Variants in CDC73 observed in about 807,000 individuals in gnomAD.
CDC73 encodes parafibromin.
A neutral mutation model predicts 83.7 loss-of-function variants in CDC73; 21 were observed. The observed-to-expected ratio is 0.25, with a 90% CI of 0.18 to 0.36. CDC73 has a LOEUF of 0.36. Among genes scored for constraint, CDC73 ranks in the 10% least tolerant of loss-of-function variants. CDC73 has a pLI of 1.00. For missense variants in CDC73, 342 were observed against 653.3 expected, an observed-to-expected ratio of 0.52 and a Z score of 5.19; for synonymous variants, 224 against 212.9, an observed-to-expected ratio of 1.05 and a Z score of -0.45.
At position 193,250,938 on chromosome 1, in the gene CDC73, A is replaced by T; in HGVS notation, c.*226A>T. 1 of 522,504 alleles carries T rather than the reference A, an allele frequency of 1.9e-6. No homozygotes were observed. The highest frequency in any genetic ancestry group is 3.4e-6 in the Non-Finnish European group (1 of 292,354). 32.4% of individuals were successfully genotyped at this position (522,504 alleles called of 1,614,324 possible). ...TAATGGAAATTGTATATTTTGATAG[A>T]AGTTTTTTCTCCATTGGTTAAATTA... On this transcript the variant is annotated 3_prime_UTR_variant, in exon 17 of 17. Coordinates refer to ENST00000367435, the MANE Select transcript of CDC73 (RefSeq NM_024529.5).
chr1:193,248,914 A>G (rs1210457760), intron 15 of CDC73, among the ~76,000 whole-genome samples: 3 of 152,094 alleles, frequency 2.0e-5, no homozygotes, highest in Non-Finnish European at 4.4e-5. Context: ...TGAAGATGCC[A>G]TAAACGTTGT....
At chr1:193,244,999 A>AT (rs1201912247) in intron 15 of CDC73, among the ~76,000 whole-genome samples, 1 of 152,138 alleles carries the variant, frequency 6.6e-6, no homozygotes, top group Non-Finnish European at 1.5e-5. Context: ...TTTGATTATA[A>AT]TTTTTTAGTT....
intron 7 of CDC73, 52 bp downstream of exon 7, chr1:193,142,118 T>C (rs984965575): frequency 8.1e-6 from 10 of 1,239,494 alleles, no homozygotes; most frequent in Non-Finnish European, 1.1e-5. Context: ...AGAGAGAGAG[T>C]GCGTTTAATC....
Position 193,212,068 on chromosome 1 carries a change from C to G in CDC73, c.1034C>G (p.Ser345Cys). 1.3e-6 allele frequency: 2 copies of G among 1,583,350 alleles called. No individual in the cohort carries two copies. Among genetic ancestry groups the G allele is most frequent in the South Asian group, 2.3e-5 (2 of 87,932 alleles). ...PAAQPVPRPV[S>C]QARPPPNQKK... is the part of the protein sequence containing the mutation. The stretch of plus-strand genomic sequence containing the variant: ...TGATTTTTTTTCTTTTTCACAGTTT[C>G]TCAAGCAAGACCTCCCCCAAATCAG... Residue 345 changes from serine (S) to cysteine (C), a missense_variant, in exon 12 of 17, where the codon TCT becomes TGT. By Grantham distance (112) the Ser-to-Cys change is moderately radical. Coordinates refer to ENST00000367435, the MANE Select transcript of CDC73 (RefSeq NM_024529.5).
chr1:193,190,706 C>G (rs1406262587), intron 10 of CDC73, among the ~76,000 whole-genome samples: 1 of 152,206 alleles, frequency 6.6e-6, no homozygotes, highest in East Asian at 1.9e-4. Context: ...TTAATTCATG[C>G]AAACTATTAA....
At chr1:193,162,767 C>T (rs1463599925) in intron 10 of CDC73, among the ~76,000 whole-genome samples, 3 of 152,122 alleles carry the variant, frequency 2.0e-5, no homozygotes, top group Non-Finnish European at 4.4e-5. Context: ...TCATTTACCT[C>T]CCCAAATTTG....
intron 10 of CDC73, among the ~76,000 whole-genome samples, chr1:193,177,987 T>G (rs768250338): frequency 6.6e-6 from 1 of 152,198 alleles, no homozygotes; most frequent in Non-Finnish European, 1.5e-5. Context: ...TGTGTACCCT[T>G]TGACCAAAAG....
At chr1:193,229,122 T>G (rs1334217677) in intron 13 of CDC73, among the ~76,000 whole-genome samples, 1 of 152,188 alleles carries the variant, frequency 6.6e-6, no homozygotes, top group African/African-American at 2.4e-5. Flanking sequence ...CTCATACATT[T>G]TTAGTGGAAG....
Position 193,239,179 on chromosome 1 carries a change from GA to G in CDC73, c.1417+2825del, listed in dbSNP as rs569492209. 1.7e-3 allele frequency among the ~76,000 whole-genome samples: 261 copies of G among 152,172 alleles called. 1 individual carries two copies. Among genetic ancestry groups the G allele is most frequent in the African/African-American group, 6.1e-3 (253 of 41,544 alleles). ...CATCAAACTCAACCTTTTCCAAATG[GA>G]ATTGATGGTTTTACTCTCTTCCTTA... On this transcript the variant is annotated intron_variant, in intron 15 of 16. Transcript: ENST00000367435.
chr1:193,206,839 A>G (rs995367680), intron 11 of CDC73, among the ~76,000 whole-genome samples: 1 of 152,164 alleles, frequency 6.6e-6, no homozygotes, highest in African/African-American at 2.4e-5. Context: ...GTGCCAGGCA[A>G]GTCTCTGGGT....
chr1:193,196,850 T>C (rs1677011517), intron 10 of CDC73, among the ~76,000 whole-genome samples: 1 of 152,220 alleles, frequency 6.6e-6, no homozygotes, highest in South Asian at 2.1e-4. Context: ...TTTTTTGGTG[T>C]CATTTCTAGG....
At chr1:193,228,951 A>G (rs1677610960) in intron 13 of CDC73, among the ~76,000 whole-genome samples, 1 of 152,200 alleles carries the variant, frequency 6.6e-6, no homozygotes, top group African/African-American at 2.4e-5. Context: ...AAAATAAGCA[A>G]GAGATGTTGA....
chr1:193,163,832 G>T (rs1306822312), intron 10 of CDC73, among the ~76,000 whole-genome samples: 1 of 152,148 alleles, frequency 6.6e-6, no homozygotes, highest in East Asian at 1.9e-4. Flanking sequence ...AGGCTGGAGT[G>T]CAGTGGCGTG....
chr1:193,216,180 G>A (rs896765160), intron 13 of CDC73, among the ~76,000 whole-genome samples: 2 of 151,968 alleles, frequency 1.3e-5, no homozygotes, highest in East Asian at 1.9e-4. Flanking sequence ...GAAATAATAC[G>A]ATTAATAGAC....
intron 6 of CDC73, chr1:193,140,971 G>T (rs1675896513): frequency 6.6e-6 from 1 of 152,130 alleles, no homozygotes; most frequent in South Asian, 2.1e-4. Flanking sequence ...AGATGCATAT[G>T]AGCACTACTA....
intron 15 of CDC73, among the ~76,000 whole-genome samples, chr1:193,241,942 A>G (rs927996114): frequency 6.6e-6 from 1 of 152,146 alleles, no homozygotes; most frequent in South Asian, 2.1e-4. Context: ...TTCAGTGGCA[A>G]CGGCCAGTAA....
chr1:193,167,023 A>G (rs977792755), intron 10 of CDC73, among the ~76,000 whole-genome samples: 12 of 152,218 alleles, frequency 7.9e-5, no homozygotes, highest in Non-Finnish European at 1.5e-4. Context: ...AAATTCATCA[A>G]TGCTGGTTTA....
chr1:193,161,069 C>G (rs887469525), intron 10 of CDC73: 1 of 169,534 alleles, frequency 5.9e-6, no homozygotes, highest in African/African-American at 2.4e-5. Flanking sequence ...TCCCCTCCCC[C>G]ATCCTACCAA....
chr1:193,247,861 A>C (rs914099107), intron 15 of CDC73, among the ~76,000 whole-genome samples: 1 of 152,100 alleles, frequency 6.6e-6, no homozygotes, highest in African/African-American at 2.4e-5. Context: ...GTAGCAGTAG[A>C]TGGTTCATGG....
Sources: gnomAD v4.1 joint callset for allele counts (sites outside exome capture counted in the v4.1 genomes callset) on GRCh38, gnomAD v4.1.1 for gene constraint, MANE v1.5 for transcripts, NCBI Gene and HGNC (gene_info 2026-07-23, HGNC 2026-07-21) for gene names.